Variants in SHB observed in about 807,000 individuals in gnomAD.
SHB encodes the protein SH2 domain-containing adapter protein B.
A neutral mutation model predicts 52.3 loss-of-function variants in SHB; 20 were observed. The observed-to-expected ratio is 0.38, with a 90% CI of 0.27 to 0.56. The LOEUF (loss-of-function observed/expected upper bound fraction) is 0.56. Ranked by LOEUF, SHB falls within the 20% of genes least tolerant of loss-of-function variation. The pLI, the probability that SHB is intolerant of heterozygous loss-of-function variation, is 0.71. For missense variants in SHB, 825 were observed against 723.3 expected, an observed-to-expected ratio of 1.14 and a Z score of -1.61; for synonymous variants, 397 against 316.5, an observed-to-expected ratio of 1.25 and a Z score of -2.70.
intron 2 of SHB, among the ~76,000 whole-genome samples, chr9:37,980,143 T>C (rs537854180): frequency 3.3e-5 from 5 of 152,318 alleles, no homozygotes; most frequent in African/African-American, 1.2e-4. Context: ...ACAATAAAAT[T>C]TGCCACATAG....
rs1255824800 is a variant in SHB, at chr9:37,916,373, C to A, written c.*3448G>T. ...CTAGGGCTGCAAGAGCAAATGGGGA[C>A]CCTGGCTGCCGGTCCTTGCCAGGCC... On this transcript the variant is annotated 3_prime_UTR_variant, in exon 6 of 6. Coordinates refer to ENST00000377707, the MANE Select transcript of SHB (RefSeq NM_003028.3). Among the ~76,000 whole-genome samples the A allele has an allele frequency of 6.6e-6, 1 of 152,228 alleles. No individual in the cohort carries two copies. Among genetic ancestry groups the A allele is most frequent in the Non-Finnish European group, 1.5e-5 (1 of 68,042 alleles).
intron 5 of SHB, among the ~76,000 whole-genome samples, chr9:37,941,326 C>T (rs963024225): frequency 3.9e-5 from 6 of 152,214 alleles, no homozygotes; most frequent in Non-Finnish European, 7.3e-5. Flanking sequence ...AAGCACTTCA[C>T]ATATATTGTG....
intron 1 of SHB, among the ~76,000 whole-genome samples, chr9:38,024,835 T>C (rs192212296): frequency 6.6e-6 from 1 of 152,322 alleles, no homozygotes; most frequent in Admixed American, 6.5e-5. Flanking sequence ...CTGCAGCCAC[T>C]ACTGAAAGGA....
intron 3 of SHB, among the ~76,000 whole-genome samples, chr9:37,970,017 G>C (rs1024439630): frequency 7.9e-5 from 12 of 152,230 alleles, no homozygotes; most frequent in African/African-American, 2.9e-4. Context: ...GCTCTGGAAG[G>C]CTGGTGTCTC....
rs1270676755 is a variant in SHB at position 37,917,574 on chromosome 9, C to T, written c.*2247G>A. 6.6e-6 allele frequency among the ~76,000 whole-genome samples: 1 copy of T among 152,224 alleles called. No homozygotes were observed. The highest frequency in any genetic ancestry group is 1.5e-5 in the Non-Finnish European group (1 of 68,044). ...CCCCCGCCGGAGGGTTGTTCCCCCT[C>T]TTCCTCAGCCTCTCTTGGGCCTCCT... On this transcript the variant is annotated 3_prime_UTR_variant, in exon 6 of 6. Transcript: ENST00000377707.
chr9:37,925,285 G>A (rs750588726), intron 5 of SHB, among the ~76,000 whole-genome samples: 3 of 152,254 alleles, frequency 2.0e-5, no homozygotes, highest in Non-Finnish European at 2.9e-5. Flanking sequence ...GGGAGAAGCT[G>A]CCCACTCTGA....
Position 37,919,614 on chromosome 9 carries a change from GGT to G in SHB, c.*205_*206del. The G allele has an allele frequency of 2.1e-6, 1 of 480,068 alleles. No homozygotes were observed. The highest frequency in any genetic ancestry group is 3.7e-6 in the Non-Finnish European group (1 of 269,632). 29.7% of individuals were successfully genotyped at this position (480,068 alleles called of 1,614,324 possible). On this transcript the variant is annotated 3_prime_UTR_variant, in exon 6 of 6. Transcript: ENST00000377707. ...AGAGGGTGGGGGTGGGGGCTGGGGT[GGT>G]GTGTTGCCGCCCTTCTGTCTTTATC...
intron 2 of SHB, among the ~76,000 whole-genome samples, chr9:37,998,771 T>C (rs913656771): frequency 2.6e-5 from 4 of 152,226 alleles, no homozygotes; most frequent in Non-Finnish European, 5.9e-5. Flanking sequence ...CTATTTTGAA[T>C]GCTTATTTTT....
intron 1 of SHB, among the ~76,000 whole-genome samples, chr9:38,035,615 G>A (rs563643052): frequency 4.3e-4 from 66 of 152,136 alleles, no homozygotes; most frequent in Admixed American, 1.2e-3. Flanking sequence ...CAATGCCCAC[G>A]GTGGGGTAGG....
intron 2 of SHB, among the ~76,000 whole-genome samples, chr9:37,997,932 C>G (rs760134981): frequency 6.6e-6 from 1 of 152,202 alleles, no homozygotes; most frequent in Non-Finnish European, 1.5e-5. Flanking sequence ...GGGCAGAGGG[C>G]CCTGGGATGG....
At chr9:37,928,401 A>G (rs78620034) in intron 5 of SHB, among the ~76,000 whole-genome samples, 1,756 of 152,284 alleles carry the variant, frequency 0.012, 27 homozygotes, top group East Asian at 0.075. Context: ...AGGCTATCTG[A>G]GCCCTTAGGC....
At chr9:37,971,414 C>T (rs989221373) in intron 3 of SHB, among the ~76,000 whole-genome samples, 5 of 152,192 alleles carry the variant, frequency 3.3e-5, no homozygotes, top group Admixed American at 2.0e-4. Context: ...TTCCCTCCAG[C>T]GACAGTAACA....
intron 5 of SHB, among the ~76,000 whole-genome samples, chr9:37,923,469 C>A (rs1315697123): frequency 6.6e-6 from 1 of 152,162 alleles, no homozygotes; most frequent in Non-Finnish European, 1.5e-5. Context: ...TCCGAGGTCC[C>A]GAGACTATCT....
intron 5 of SHB, among the ~76,000 whole-genome samples, chr9:37,945,927 G>T (rs962192425): frequency 1.3e-5 from 2 of 152,220 alleles, no homozygotes; most frequent in Non-Finnish European, 2.9e-5. Flanking sequence ...GGCAGGACAG[G>T]ACTCCTATCC....
At position 37,918,800 on chromosome 9, in the gene SHB, G is replaced by C. The variant is rs898444173; in HGVS notation, c.*1021C>G. ...CAGCTGGGTGCTGTGTCCAGGGGTT[G>C]GGGGGGTGTCAACACAGACGTCCCA... On this transcript the variant is annotated 3_prime_UTR_variant, in exon 6 of 6. Transcript: ENST00000377707. Among the ~76,000 whole-genome samples the C allele has an allele frequency of 6.6e-6, 1 of 152,154 alleles. No individual in the cohort carries two copies. The highest frequency in any genetic ancestry group is 1.5e-5 in the Non-Finnish European group (1 of 68,016).
At chr9:37,956,419 G>T (rs772679836) in intron 3 of SHB, among the ~76,000 whole-genome samples, 9 of 152,154 alleles carry the variant, frequency 5.9e-5, no homozygotes, top group Non-Finnish European at 1.2e-4. Flanking sequence ...GCTGTTTCTT[G>T]TATTGGGCCA....
chr9:37,930,289 G>C (rs530029670), intron 5 of SHB, among the ~76,000 whole-genome samples: 45 of 152,328 alleles, frequency 3.0e-4, no homozygotes, highest in Middle Eastern at 3.4e-3. Flanking sequence ...GCTCAGAGAA[G>C]GGCAGAGGTT....
At chr9:37,936,237 CA>C (rs1339788540) in intron 5 of SHB, among the ~76,000 whole-genome samples, 1 of 151,894 alleles carries the variant, frequency 6.6e-6, no homozygotes, top group African/African-American at 2.4e-5. Context: ...CAAAACCAAA[CA>C]AAACACCATT....
chr9:37,975,968 G>A (rs745735472), intron 2 of SHB, among the ~76,000 whole-genome samples: 2 of 152,238 alleles, frequency 1.3e-5, no homozygotes, highest in Non-Finnish European at 2.9e-5. Context: ...AGGCTGGAAA[G>A]AACGTGCTTG....
Sources: gnomAD v4.1 joint callset for allele counts (sites outside exome capture counted in the v4.1 genomes callset) on GRCh38, gnomAD v4.1.1 for gene constraint, MANE v1.5 for transcripts, NCBI Gene and HGNC (gene_info 2026-07-23, HGNC 2026-07-21) for gene names.